CCDC68: variants seen among roughly 807,000 people sequenced by gnomAD.
CCDC68 encodes the protein coiled-coil domain-containing protein 68.
CCDC68 carries 45 observed loss-of-function variants against 47.1 expected under a neutral mutation model. That is an observed-to-expected ratio of 0.96 (90% confidence interval 0.75 to 1.23). The LOEUF (loss-of-function observed/expected upper bound fraction) is 1.23. CCDC68 is among the 50% of genes most tolerant of loss of function. The probability of loss-of-function intolerance (pLI) is 0.00; values close to 1 mark genes in which losing one functional copy is unlikely to be tolerated. For missense variants in CCDC68, 353 were observed against 373.6 expected (o/e 0.94, Z 0.45); for synonymous variants, 131 against 129.5 (o/e 1.01, Z -0.08).
chr18:54,946,910 T>C lies in CCDC68; in HGVS notation c.-102-1433A>G, dbSNP rs139080332. On this transcript the variant is annotated intron_variant, in intron 1 of 11. Coordinates refer to ENST00000591504, the MANE Select transcript of CCDC68 (RefSeq NM_025214.3). ...TCAATAGTGTTGCCCTGTTATTTTA[T>C]ATTATCAATAGCCACAGAAGACAAG... Among the ~76,000 whole-genome samples, 793 of 145,394 alleles carry C rather than the reference T, an allele frequency of 5.5e-3. 18 individuals are homozygous for C. The highest frequency in any genetic ancestry group is 0.02 in the African/African-American group (740 of 37,716).
At chr18:54,946,594 C>A (rs1599091964) in intron 1 of CCDC68, among the ~76,000 whole-genome samples, 1 of 152,230 alleles carries the variant, frequency 6.6e-6, no homozygotes, top group African/African-American at 2.4e-5. Context: ...CCTTCTCAGG[C>A]TCTTTCATAA....
At chr18:54,944,516 T>C (rs576668069) in intron 2 of CCDC68, among the ~76,000 whole-genome samples, 7 of 152,166 alleles carry the variant, frequency 4.6e-5, no homozygotes, top group Non-Finnish European at 8.8e-5. Context: ...AAATGTTAAA[T>C]CCCTGAATTT....
At position 54,954,147 on chromosome 18, in the gene CCDC68, C is replaced by T. The variant is rs1370359039; in HGVS notation, c.-103+5189G>A. Among the ~76,000 whole-genome samples the T allele has an allele frequency of 4.6e-5, 7 of 151,752 alleles. 1 individual carries two copies. The South Asian group carries it at 1.5e-3, about 32-fold the overall frequency. ...CTCAGCTCACCGCAACCTCCACATC[C>T]CAGGTTCAAGCAATTCTCCTGCCTC... On this transcript the variant is annotated intron_variant, in intron 1 of 11. Transcript: ENST00000591504.
intron 1 of CCDC68, among the ~76,000 whole-genome samples, chr18:54,952,513 G>T (rs1471908814): frequency 6.6e-6 from 1 of 152,206 alleles, no homozygotes; most frequent in Non-Finnish European, 1.5e-5. Context: ...TGATGGGAAT[G>T]GAAAATGTGG....
intron 1 of CCDC68, among the ~76,000 whole-genome samples, chr18:54,956,870 A>C (rs1285169194): frequency 6.6e-6 from 1 of 152,178 alleles, no homozygotes. Context: ...AAATCATTGA[A>C]TTATACACTT....
intron 7 of CCDC68, among the ~76,000 whole-genome samples, chr18:54,933,332 C>T (rs1309170970): frequency 2.6e-5 from 4 of 152,134 alleles, no homozygotes; most frequent in Admixed American, 2.0e-4. Flanking sequence ...CTGCCCACCT[C>T]GGCCTCCCAA....
rs79705228 is a variant in CCDC68, at chr18:54,904,099, T to A, written c.*259A>T. On this transcript the variant is annotated 3_prime_UTR_variant, in exon 12 of 12. Coordinates refer to ENST00000591504, the MANE Select transcript of CCDC68 (RefSeq NM_025214.3). ...CAAGATTCAGATTTTTTTTTTTTTT[T>A]AATTTAAAGCAGAATCTGTCTTCCA... The A allele has an allele frequency of 2.2e-5, 6 of 268,446 alleles. No homozygotes were observed. Among genetic ancestry groups the A allele is most frequent in the South Asian group, 1.1e-4 (1 of 9,250 alleles). The allele number at this position is 268,446 out of a possible 1,614,324, so 16.6% of individuals were successfully genotyped here.
chr18:54,918,014 C>T lies in CCDC68; in HGVS notation c.790-18G>A, dbSNP rs773598974. The T allele has an allele frequency of 3.1e-5, 36 of 1,164,574 alleles. No homozygotes were observed. The Middle Eastern group carries it at 1.3e-3, about 42-fold the overall frequency. 72.1% of individuals were successfully genotyped at this position (1,164,574 alleles called of 1,614,324 possible). A position where few individuals can be genotyped will look rare whatever the true frequency, so the allele number is the denominator to read the frequency against. On this transcript the variant is annotated intron_variant, in intron 9 of 11. Transcript: ENST00000591504. ...CCTTCCATCTAAGAATTAGAAAACA[C>T]AATAGGAAAAACCTTGTCAGACCAC... is the stretch of plus-strand genomic sequence containing the variant.
intron 1 of CCDC68, among the ~76,000 whole-genome samples, chr18:54,954,904 GA>G (rs1249454628): frequency 2.0e-5 from 3 of 151,910 alleles, no homozygotes; most frequent in African/African-American, 7.2e-5. Flanking sequence ...ATTTCAAGCA[GA>G]AAAAAATGAG....
chr18:54,915,196 T>C (rs898232743), intron 10 of CCDC68, among the ~76,000 whole-genome samples: 3 of 152,242 alleles, frequency 2.0e-5, no homozygotes, highest in Non-Finnish European at 4.4e-5. Flanking sequence ...AATAGGCTGA[T>C]TCGCTGTTGG....
rs960589858 is a variant in CCDC68 at position 54,902,250 on chromosome 18, TA to T, written c.*2107del. Reference sequence around the variant, plus strand: ...AAAAATGAGTATAGTGAAATCAAAATAAAAACCAACAGTGTCTTTCCACTTT... The same window carrying T: ...AAAAATGAGTATAGTGAAATCAAAATAAAACCAACAGTGTCTTTCCACTTT... On this transcript the variant is annotated 3_prime_UTR_variant, in exon 12 of 12. Coordinates refer to ENST00000591504, the MANE Select transcript of CCDC68 (RefSeq NM_025214.3). The T allele has an allele frequency of 7.2e-5, 11 of 152,158 alleles. No individual in the cohort carries two copies. The highest frequency in any genetic ancestry group is 4.4e-5 in the Non-Finnish European group (3 of 68,002). The allele number at this position is 152,158 out of a possible 1,614,324, so 9.4% of individuals were successfully genotyped here. A position where few individuals can be genotyped will look rare whatever the true frequency, so the allele number is the denominator to read the frequency against.
rs1914108010 is a variant in CCDC68, at chr18:54,907,871, G to A, written c.874-9C>T. The A allele has an allele frequency of 6.6e-7, 1 of 1,518,844 alleles. No individual in the cohort carries two copies. The highest frequency in any genetic ancestry group is 1.1e-5 in the South Asian group (1 of 88,970). 94.1% of individuals were successfully genotyped at this position (1,518,844 alleles called of 1,614,324 possible). A position where few individuals can be genotyped will look rare whatever the true frequency, so the allele number is the denominator to read the frequency against. Reference sequence around the variant, plus strand: ...GTTTTTAGTTCTTTATTCTAAAATTGAAAAAAAATGCAGACGTCAAATAGC... The same window carrying A: ...GTTTTTAGTTCTTTATTCTAAAATTAAAAAAAAATGCAGACGTCAAATAGC... On this transcript the variant is annotated splice_polypyrimidine_tract_variant and intron_variant, in intron 10 of 11. Transcript: ENST00000591504.
chr18:54,946,777 CTT>C lies in CCDC68; in HGVS notation c.-102-1302_-102-1301del, dbSNP rs2044535102. Among the ~76,000 whole-genome samples, 3 of 152,056 alleles carry C rather than the reference CTT, an allele frequency of 2.0e-5. No individual in the cohort carries two copies. In the East Asian group the frequency reaches 5.8e-4, roughly 29 times the overall value. On this transcript the variant is annotated intron_variant, in intron 1 of 11. Coordinates refer to ENST00000591504, the MANE Select transcript of CCDC68 (RefSeq NM_025214.3). The stretch of plus-strand genomic sequence containing the variant: ...TAAACAAGTTACATAAAATCTTTGT[CTT>C]CACTTACATAGCTGTCAGGTAGGGG...
chr18:54,917,810 C>T, intron 10 of CCDC68, 103 bp downstream of exon 10: 1 of 715,768 alleles, frequency 1.4e-6, no homozygotes. Context: ...CATACACAGG[C>T]TCACTGATAC....
At chr18:54,955,732 G>A (rs1322006312) in intron 1 of CCDC68, among the ~76,000 whole-genome samples, 1 of 152,082 alleles carries the variant, frequency 6.6e-6, no homozygotes, top group African/African-American at 2.4e-5. Context: ...TTGTTTGTTT[G>A]TTTGAGGCAG....
chr18:54,937,961 A>G lies in CCDC68; in HGVS notation c.341T>C (p.Ile114Thr). The G allele has an allele frequency of 6.2e-7, 1 of 1,609,322 alleles. No homozygotes were observed. The highest frequency in any genetic ancestry group is 8.5e-7 in the Non-Finnish European group (1 of 1,178,532). The change falls in exon 5 of 12, where the codon ATC (isoleucine) becomes ACC (threonine). Residue 114 changes from isoleucine to threonine, a missense_variant. By Grantham distance (89) the Ile-to-Thr change is moderately conservative. Transcript: ENST00000591504. ...EMNKENEVLK[I>T]KLQASREAGA... ...TGAAACTTCTAAAAGTCATACCTTG[A>G]TTTTCAATACTTCATTCTCTTTGTT...
chr18:54,936,238 A>T (rs12604694), intron 6 of CCDC68, among the ~76,000 whole-genome samples: 40,004 of 144,020 alleles, frequency 0.28, 6,101 homozygotes, highest in African/African-American at 0.41. Context: ...ATTTTTAAAA[A>T]ATATATAGTT....
chr18:54,930,982 T>C (rs899547983), intron 7 of CCDC68, among the ~76,000 whole-genome samples: 152 of 151,788 alleles, frequency 1.0e-3, no homozygotes, highest in African/African-American at 3.6e-3. Context: ...CCTCCCAAAG[T>C]GCTGGGATTA....
At chr18:54,922,056 T>G (rs2044070189) in intron 8 of CCDC68, among the ~76,000 whole-genome samples, 1 of 152,176 alleles carries the variant, frequency 6.6e-6, no homozygotes, top group South Asian at 2.1e-4. Context: ...ATGAAAACGC[T>G]TTGTGCCCAT....
Sources: allele counts gnomAD v4.1 joint callset (sites outside exome capture counted in the v4.1 genomes callset), GRCh38; gene constraint gnomAD v4.1.1; transcripts MANE v1.5; gene names NCBI Gene and HGNC (gene_info 2026-07-23, HGNC 2026-07-21).